The following UBXN8 variants were observed in gnomAD, a reference collection of about 807,000 sequenced individuals.
UBXN8 encodes UBX domain-containing protein 8.
In UBXN8, 27 loss-of-function variants were observed where a neutral mutation model predicts 32.1. The observed-to-expected ratio is 0.84, with a 90% CI of 0.62 to 1.16. The LOEUF is 1.16. Ranked by LOEUF, UBXN8 falls within the 50% of genes most tolerant of loss-of-function variation. The probability of loss-of-function intolerance (pLI) is 0.00; values close to 1 mark genes in which losing one functional copy is unlikely to be tolerated. For synonymous variants in UBXN8, 109 were observed against 111.8 expected (o/e 0.98, Z 0.16); for missense variants, 306 against 311.4 (o/e 0.98, Z 0.13).
In UBXN8 at chr8:30,756,768, G is replaced by A; in HGVS notation, c.409G>A (p.Asp137Asn). ...ATTGTCTGTTGTGTTTGACCAGGGTGATGAAGGTACAAGTCAGACATCTTT... is the reference window on the plus strand; with the variant it reads ...ATTGTCTGTTGTGTTTGACCAGGGTAATGAAGGTACAAGTCAGACATCTTT... ...KLSSGHKLGG[D>N]EGTSQTSFET... Residue 137 changes from aspartate to asparagine, a missense_variant, in exon 5 of 8, where the codon GAT (aspartate) becomes AAT (asparagine). By Grantham distance (23) the Asp-to-Asn change is conservative (BLOSUM62 1). Transcript: ENST00000265616. 1 of 1,614,040 alleles carries A rather than the reference G, an allele frequency of 6.2e-7. No individual in the cohort carries two copies. The highest frequency in any genetic ancestry group is 1.7e-5 in the Admixed American group (1 of 60,022).
At chr8:30,731,470 C>T (rs953197216), upstream of UBXN8, among the ~76,000 whole-genome samples, 3 of 152,156 alleles carry the variant, frequency 2.0e-5, no homozygotes, top group African/African-American at 7.2e-5. Context: ...CTGATTATCC[C>T]TTGCCCTTGT....
intron 5 of UBXN8, 63 bp downstream of exon 5, chr8:30,756,950 G>T (rs1425953953): frequency 6.3e-7 from 1 of 1,596,812 alleles, no homozygotes; most frequent in Non-Finnish European, 8.5e-7. Context: ...TGAACTCTGG[G>T]TGAGGTGGTA....
upstream of UBXN8, among the ~76,000 whole-genome samples, chr8:30,730,307 C>T (rs193008596): frequency 1.7e-4 from 26 of 152,300 alleles, no homozygotes; most frequent in East Asian, 4.2e-3. Context: ...TCACCTCTGC[C>T]GACCTTCTCA....
At chr8:30,766,153 A>T in intron 7 of UBXN8, 74 bp from the exon 8 acceptor site, 1 of 1,432,612 alleles carries the variant, frequency 7.0e-7, no homozygotes. Flanking sequence ...AAATTATAAA[A>T]TGTTATGGTG....
intron 1 of UBXN8, among the ~76,000 whole-genome samples, chr8:30,748,549 C>CT (rs58831808): frequency 2.7e-4 from 39 of 146,500 alleles, no homozygotes; most frequent in African/African-American, 5.7e-4. Flanking sequence ...ATGTTTTTTT[C>CT]TTTTTTTTTG....
Position 30,766,216 on chromosome 8 carries a change from T to C in UBXN8, c.646-11T>C. ...TTTGATAATGACTAAGCCAAGCTTT[T>C]CATCTTCTAGGTCTTATTTGACTGG... On this transcript the variant is annotated splice_polypyrimidine_tract_variant and intron_variant, in intron 7 of 7. Coordinates refer to ENST00000265616, the MANE Select transcript of UBXN8 (RefSeq NM_005671.4). The C allele has an allele frequency of 6.2e-7, 1 of 1,606,090 alleles. No homozygotes were observed. The highest frequency in any genetic ancestry group is 1.3e-5 in the African/African-American group (1 of 74,812).
At chr8:30,759,167 A>G in intron 5 of UBXN8, among the ~76,000 whole-genome samples, 1 of 151,990 alleles carries the variant, frequency 6.6e-6, no homozygotes, top group East Asian at 1.9e-4. Context: ...TGCTGGGATT[A>G]CAGGCGTGAG....
At chr8:30,730,358 A>G (rs1044186634), upstream of UBXN8, among the ~76,000 whole-genome samples, 3 of 152,190 alleles carry the variant, frequency 2.0e-5, no homozygotes, top group Admixed American at 6.5e-5. Flanking sequence ...AAAAGCCACA[A>G]GCTCTAATTG....
At chr8:30,759,616 G>A (rs891258857) in intron 5 of UBXN8, among the ~76,000 whole-genome samples, 1 of 151,846 alleles carries the variant, frequency 6.6e-6, no homozygotes, top group Non-Finnish European at 1.5e-5. Context: ...ATGGTTTCTG[G>A]CAGTCACCTA....
intron 5 of UBXN8, among the ~76,000 whole-genome samples, chr8:30,758,907 T>G (rs1308288002): frequency 8.2e-5 from 12 of 145,884 alleles, no homozygotes; most frequent in Admixed American, 2.0e-4. Flanking sequence ...TTTTTTTTTT[T>G]TTTTGAGACG....
At chr8:30,729,918 G>C (rs1036318203), upstream of UBXN8, among the ~76,000 whole-genome samples, 1 of 152,198 alleles carries the variant, frequency 6.6e-6, no homozygotes, top group Non-Finnish European at 1.5e-5. Context: ...AGCAGTGCTA[G>C]TAGCAAAGGG....
chr8:30,765,361 C>G (rs2978308), intron 7 of UBXN8, among the ~76,000 whole-genome samples: 120,404 of 151,776 alleles, frequency 0.79, 47,921 homozygotes, highest in East Asian at 0.86. Flanking sequence ...GAAACCTCAA[C>G]CTCCCCGGAC....
intron 7 of UBXN8, 47 bp downstream of exon 7, chr8:30,763,394 G>T: frequency 6.4e-7 from 1 of 1,561,822 alleles, no homozygotes; most frequent in Non-Finnish European, 8.8e-7. Context: ...GTTGAATATG[G>T]CAGTAGTTTA....
At chr8:30,765,201 CTG>C (rs1805966117) in intron 7 of UBXN8, among the ~76,000 whole-genome samples, 1 of 152,118 alleles carries the variant, frequency 6.6e-6, no homozygotes, top group African/African-American at 2.4e-5. Context: ...GTGTGAGCCA[CTG>C]TGCCTGGCCA....
At chr8:30,763,104 CCA>C (rs1805901644) in intron 6 of UBXN8, 167 bp from the exon 7 acceptor site, 2 of 632,308 alleles carry the variant, frequency 3.2e-6, no homozygotes, top group Non-Finnish European at 5.4e-6. Context: ...TCTCAGCCTC[CCA>C]AAGTCCTGGG....
upstream of UBXN8, among the ~76,000 whole-genome samples, chr8:30,742,178 A>G (rs1805220333): frequency 6.6e-6 from 1 of 152,114 alleles, no homozygotes. Context: ...TAGTCAATAT[A>G]ATTAATTATT....
At chr8:30,754,956 G>GTTT (rs34741520) in intron 4 of UBXN8, among the ~76,000 whole-genome samples, 169 bp downstream of exon 4, 6 of 129,648 alleles carry the variant, frequency 4.6e-5, no homozygotes, top group South Asian at 5.1e-4. Context: ...GGGGTTGGTC[G>GTTT]TTTTTTTTTT....
At chr8:30,751,741 T>C (rs975573258) in intron 2 of UBXN8, among the ~76,000 whole-genome samples, 4 of 152,152 alleles carry the variant, frequency 2.6e-5, no homozygotes, top group African/African-American at 9.6e-5. Context: ...AAATTGTACA[T>C]TTTTCTTATA....
At chr8:30,757,093 G>A (rs1034745429) in intron 5 of UBXN8, among the ~76,000 whole-genome samples, 9 of 151,916 alleles carry the variant, frequency 5.9e-5, no homozygotes, top group South Asian at 2.1e-4. Context: ...GGCCGAGGCC[G>A]ATGGAGGTTG....
Sources: allele counts gnomAD v4.1 joint callset (sites outside exome capture counted in the v4.1 genomes callset), GRCh38; gene constraint gnomAD v4.1.1; transcripts MANE v1.5; gene names NCBI Gene and HGNC (gene_info 2026-07-23, HGNC 2026-07-21).